The following CYSLTR2 variants were observed in gnomAD, a reference collection of about 807,000 sequenced individuals.
CYSLTR2 encodes G-protein coupled receptor GPCR21.
For missense variants in CYSLTR2, 398 were observed against 411.9 expected, an observed-to-expected ratio of 0.97 and a Z score of 0.29; for synonymous variants, 179 against 160.8, an observed-to-expected ratio of 1.11 and a Z score of -0.86.
At chr13:48,694,380 A>C (rs1178425746) in intron 3 of CYSLTR2, among the ~76,000 whole-genome samples, 3 of 152,218 alleles carry the variant, frequency 2.0e-5, no homozygotes, top group Non-Finnish European at 2.9e-5. Context: ...CCTTGTATAG[A>C]CAAACAACAC....
intron 1 of CYSLTR2, among the ~76,000 whole-genome samples, chr13:48,664,160 C>T (rs1305650207): frequency 1.3e-5 from 2 of 151,964 alleles, no homozygotes; most frequent in Non-Finnish European, 2.9e-5. Context: ...ATCCTTGCAT[C>T]CTGAGATAAA....
rs1566110526 is a variant in CYSLTR2 at position 48,707,458 on chromosome 13, T to C, written c.641T>C (p.Phe214Ser). The C allele has an allele frequency of 6.2e-7, 1 of 1,613,926 alleles. No individual in the cohort carries two copies. Residue 214 changes from phenylalanine to serine, a missense_variant, in exon 5 of 5, where the codon TTT becomes TCT. Physicochemically the swap from Phe to Ser is radical, Grantham distance 155 (BLOSUM62 -2). Transcript: ENST00000682523. ...TTGGTGGTGGGCTGCCTGCTGCCATTTTTCACACTCAGCATCTGTTATCTG... is the reference window on the plus strand; with the variant it reads ...TTGGTGGTGGGCTGCCTGCTGCCATCTTTCACACTCAGCATCTGTTATCTG... ...IALVVGCLLPFFTLSICYLLI... is the reference protein window; with the variant it reads ...IALVVGCLLPSFTLSICYLLI...
chr13:48,683,548 T>G (rs1382929573), intron 1 of CYSLTR2, among the ~76,000 whole-genome samples: 1 of 152,194 alleles, frequency 6.6e-6, no homozygotes, highest in African/African-American at 2.4e-5. Context: ...TTGAAAAGTT[T>G]CTGTTCGTGT....
chr13:48,696,270 T>G (rs1043677296), intron 3 of CYSLTR2, among the ~76,000 whole-genome samples: 5 of 152,250 alleles, frequency 3.3e-5, no homozygotes, highest in Non-Finnish European at 7.3e-5. Flanking sequence ...ACTGTTGATA[T>G]TCAAGAGTTC....
chr13:48,673,451 T>C, intron 1 of CYSLTR2, among the ~76,000 whole-genome samples: 1 of 142,600 alleles, frequency 7.0e-6, no homozygotes, highest in African/African-American at 2.6e-5. Flanking sequence ...TTTTTTTTTT[T>C]TTTTTTTGCT....
chr13:48,708,832 T>G lies in CYSLTR2; in HGVS notation c.*974T>G, dbSNP rs1455116781. The stretch of plus-strand genomic sequence containing the variant: ...CCGCAGAAGATGAGTAGGGAGATGC[T>G]GCCTTCCCTTTTGAGATAGTGTAGA... On this transcript the variant is annotated 3_prime_UTR_variant, in exon 5 of 5. Transcript: ENST00000682523. The G allele has an allele frequency of 6.0e-6, 1 of 167,072 alleles. No individual in the cohort carries two copies. The highest frequency in any genetic ancestry group is 1.5e-5 in the Non-Finnish European group (1 of 68,130). 10.3% of individuals were successfully genotyped at this position (167,072 alleles called of 1,614,324 possible).
At chr13:48,696,890 G>A (rs12869467) in intron 4 of CYSLTR2, among the ~76,000 whole-genome samples, 13 of 152,088 alleles carry the variant, frequency 8.5e-5, no homozygotes, top group South Asian at 2.1e-4. Flanking sequence ...AGGGTCCCAC[G>A]CCCACGGAGC....
intron 1 of CYSLTR2, among the ~76,000 whole-genome samples, chr13:48,669,283 C>CT (rs879468376): frequency 1.8e-3 from 263 of 146,252 alleles, no homozygotes; most frequent in Non-Finnish European, 1.6e-3. Context: ...TGTTTCCTGA[C>CT]TTTTTTTTTT....
chr13:48,676,499 G>A lies in CYSLTR2; in HGVS notation c.-265-14713G>A, dbSNP rs1421155359. Reference sequence around the variant, plus strand: ...TAACAAAGTCTGAGGTTAGGAAAGTGATATTGTACATATAGAGTAGGGACA... The same window carrying A: ...TAACAAAGTCTGAGGTTAGGAAAGTAATATTGTACATATAGAGTAGGGACA... On this transcript the variant is annotated intron_variant, in intron 1 of 4. Coordinates refer to ENST00000682523, the MANE Select transcript of CYSLTR2 (RefSeq NM_001308476.3). Among the ~76,000 whole-genome samples the A allele has an allele frequency of 2.0e-5, 3 of 152,348 alleles. No homozygotes were observed. In the East Asian group the frequency reaches 5.8e-4, roughly 29 times the overall value.
At chr13:48,694,231 A>G (rs1197116096) in intron 3 of CYSLTR2, among the ~76,000 whole-genome samples, 3 of 152,220 alleles carry the variant, frequency 2.0e-5, no homozygotes, top group Non-Finnish European at 4.4e-5. Context: ...AGTCCTTACA[A>G]GTATTGAAAT....
intron 4 of CYSLTR2, among the ~76,000 whole-genome samples, chr13:48,700,910 C>T (rs1954324915): frequency 6.6e-6 from 1 of 152,128 alleles, no homozygotes; most frequent in African/African-American, 2.4e-5. Context: ...TTCACAATTG[C>T]TTCAAAGAGA....
rs1954534668 is a variant in CYSLTR2 at position 48,707,552 on chromosome 13, A to G, written c.735A>G (p.Ala245=). 1.9e-6 allele frequency: 3 copies of G among 1,608,210 alleles called. No homozygotes were observed. The highest frequency in any genetic ancestry group is 2.7e-5 in the African/African-American group (2 of 74,912). Residue 245 remains alanine, a synonymous_variant, in exon 5 of 5, where the codon GCA becomes GCG. Coordinates refer to ENST00000682523, the MANE Select transcript of CYSLTR2 (RefSeq NM_001308476.3). ...GGCTGCGGGTTTCTCACAGGAAGGC[A>G]CTGACCACCATCATCATCACCTTGA... ...ESGLRVSHRK[A]LTTIIITLII...
chr13:48,699,735 CT>C (rs1340978303), intron 4 of CYSLTR2, among the ~76,000 whole-genome samples: 1 of 151,824 alleles, frequency 6.6e-6, no homozygotes, highest in East Asian at 1.9e-4. Context: ...CAGGAGCTGG[CT>C]TTTTGAAAAG....
At chr13:48,676,188 G>A (rs903227529) in intron 1 of CYSLTR2, among the ~76,000 whole-genome samples, 1 of 152,140 alleles carries the variant, frequency 6.6e-6, no homozygotes, top group Non-Finnish European at 1.5e-5. Context: ...ACTTAGAAAA[G>A]GCAGACCAGA....
intron 1 of CYSLTR2, among the ~76,000 whole-genome samples, chr13:48,685,524 T>C (rs1953874050): frequency 6.6e-6 from 1 of 152,190 alleles, no homozygotes; most frequent in East Asian, 1.9e-4. Flanking sequence ...AGCTACCCTG[T>C]TTGTGATACT....
chr13:48,689,291 T>G (rs1485791633), intron 1 of CYSLTR2, among the ~76,000 whole-genome samples: 1 of 152,234 alleles, frequency 6.6e-6, no homozygotes. Context: ...TGGCTTTCGT[T>G]GCTCTTGCTT....
chr13:48,704,152 T>C (rs979060730), intron 4 of CYSLTR2, among the ~76,000 whole-genome samples: 1 of 152,238 alleles, frequency 6.6e-6, no homozygotes, highest in Non-Finnish European at 1.5e-5. Flanking sequence ...GATTTGTCAA[T>C]TGTATCAGGA....
chr13:48,665,740 G>A (rs1185190882), intron 1 of CYSLTR2, among the ~76,000 whole-genome samples: 4 of 151,954 alleles, frequency 2.6e-5, no homozygotes, highest in Non-Finnish European at 5.9e-5. Flanking sequence ...ATATAGTTAG[G>A]TCTTGTGTTT....
intron 4 of CYSLTR2, among the ~76,000 whole-genome samples, chr13:48,703,094 A>G (rs896943449): frequency 6.6e-6 from 1 of 152,116 alleles, no homozygotes; most frequent in Non-Finnish European, 1.5e-5. Context: ...TATGTGTATT[A>G]CTAGTTTATA....
Sources: allele counts gnomAD v4.1 joint callset (sites outside exome capture counted in the v4.1 genomes callset), GRCh38; gene constraint gnomAD v4.1.1; transcripts MANE v1.5; gene names NCBI Gene and HGNC (gene_info 2026-07-23, HGNC 2026-07-21).